The following B3GALT1 variants were observed in gnomAD, a reference collection of about 807,000 sequenced individuals.
The protein encoded by B3GALT1 is beta-1,3-galactosyltransferase 1, also known as UDP-Gal:betaGlcNAc beta 1,3-galactosyltransferase, polypeptide 1.
B3GALT1 carries 10 observed loss-of-function variants against 23.2 expected under a neutral mutation model. The observed-to-expected ratio is 0.43, with a 90% confidence interval of 0.27 to 0.73. The LOEUF (loss-of-function observed/expected upper bound fraction) is 0.73, where lower values mean the gene tolerates loss of function less well. Ranked by LOEUF, B3GALT1 falls within the 30% of genes least tolerant of loss-of-function variation. The pLI is 0.21. For missense variants in B3GALT1, 299 were observed against 405.4 expected (o/e 0.74, Z 2.25); for synonymous variants, 156 against 141.5 (o/e 1.10, Z -0.73).
chr2:167,646,299 G>A (rs1395623201), intron 2 of B3GALT1, among the ~76,000 whole-genome samples: 1 of 152,142 alleles, frequency 6.6e-6, no homozygotes, highest in African/African-American at 2.4e-5. Flanking sequence ...TAGCCTTCCA[G>A]GTCACTCATG....
At chr2:167,564,367 C>T (rs1356494131) in intron 2 of B3GALT1, among the ~76,000 whole-genome samples, 1 of 149,934 alleles carries the variant, frequency 6.7e-6, no homozygotes, top group Non-Finnish European at 1.5e-5. Context: ...GAGACGCTCC[C>T]CACTCTCCAG....
At chr2:167,711,083 A>G (rs906502968) in intron 3 of B3GALT1, among the ~76,000 whole-genome samples, 2 of 152,020 alleles carry the variant, frequency 1.3e-5, no homozygotes, top group African/African-American at 4.8e-5. Context: ...ACTTGGGCCT[A>G]TGCTCCAGCT....
intron 4 of B3GALT1, among the ~76,000 whole-genome samples, chr2:167,834,704 C>G (rs1689421630): frequency 6.6e-6 from 1 of 152,104 alleles, no homozygotes; most frequent in Admixed American, 6.6e-5. Flanking sequence ...CAAAAGTTGG[C>G]TGGGCACAGT....
intron 4 of B3GALT1, among the ~76,000 whole-genome samples, chr2:167,826,810 C>T (rs1027070050): frequency 6.6e-6 from 1 of 152,162 alleles, no homozygotes; most frequent in Non-Finnish European, 1.5e-5. Flanking sequence ...CAACTATTTA[C>T]ATAACATTTA....
At chr2:167,346,057 G>A (rs1367302258) in intron 1 of B3GALT1, among the ~76,000 whole-genome samples, 1 of 151,268 alleles carries the variant, frequency 6.6e-6, no homozygotes, top group East Asian at 1.9e-4. Flanking sequence ...CTTTCAAAAA[G>A]CATTCTATGA....
intron 1 of B3GALT1, among the ~76,000 whole-genome samples, chr2:167,307,020 C>T (rs1246354944): frequency 6.6e-6 from 1 of 151,918 alleles, no homozygotes; most frequent in Non-Finnish European, 1.5e-5. Flanking sequence ...ATCTCCTAAT[C>T]TTTTTAAAAT....
intron 2 of B3GALT1, among the ~76,000 whole-genome samples, chr2:167,525,620 A>AT (rs1373343977): frequency 2.0e-5 from 3 of 150,928 alleles, no homozygotes; most frequent in Admixed American, 6.6e-5. Flanking sequence ...GAGCTCTTTC[A>AT]TTTTTTTTAT....
intron 2 of B3GALT1, among the ~76,000 whole-genome samples, chr2:167,546,779 A>G (rs1308747983): frequency 6.6e-6 from 1 of 152,072 alleles, no homozygotes; most frequent in Non-Finnish European, 1.5e-5. Flanking sequence ...TTTGTCTCTC[A>G]CTCATATATT....
At chr2:167,423,681 A>G (rs1280177338) in intron 1 of B3GALT1, among the ~76,000 whole-genome samples, 2 of 152,166 alleles carry the variant, frequency 1.3e-5, no homozygotes, top group Non-Finnish European at 2.9e-5. Flanking sequence ...GTAGCCTGGC[A>G]ACCAAGAGCA....
At chr2:167,839,833 A>G (rs1689593292) in intron 4 of B3GALT1, among the ~76,000 whole-genome samples, 1 of 152,262 alleles carries the variant, frequency 6.6e-6, no homozygotes, top group South Asian at 2.1e-4. Flanking sequence ...AAACAGAGAT[A>G]TAGATCAATG....
At chr2:167,454,259 A>T (rs1016626289) in intron 1 of B3GALT1, among the ~76,000 whole-genome samples, 4 of 152,188 alleles carry the variant, frequency 2.6e-5, no homozygotes, top group African/African-American at 9.7e-5. Context: ...ACGTGCACGT[A>T]AACCATAGGC....
At chr2:167,635,170 T>C (rs546333035) in intron 2 of B3GALT1, among the ~76,000 whole-genome samples, 1 of 152,220 alleles carries the variant, frequency 6.6e-6, no homozygotes, top group Non-Finnish European at 1.5e-5. Context: ...CTAAAAACTG[T>C]CAATAAACTA....
At chr2:167,475,742 GGCTCAAACA>G (rs1423868146) in intron 1 of B3GALT1, among the ~76,000 whole-genome samples, 1 of 152,022 alleles carries the variant, frequency 6.6e-6, no homozygotes, top group African/African-American at 2.4e-5. Flanking sequence ...CATACTGGCG[GGCTCAAACA>G]GTAGAAATTA....
chr2:167,867,583 T>C (rs1279617534), intron 4 of B3GALT1, among the ~76,000 whole-genome samples: 8 of 152,244 alleles, frequency 5.3e-5, no homozygotes, highest in Admixed American at 5.2e-4. Flanking sequence ...ATCGTGTATT[T>C]TTATTTCATT....
intron 2 of B3GALT1, among the ~76,000 whole-genome samples, chr2:167,553,450 A>G (rs1330228327): frequency 1.3e-5 from 2 of 152,164 alleles, no homozygotes; most frequent in African/African-American, 4.8e-5. Flanking sequence ...ACAGCTGTGC[A>G]GTGGCAGATC....
At position 167,455,916 on chromosome 2, in the gene B3GALT1, C is replaced by A. The variant is rs113693884; in HGVS notation, c.-510-34261C>A. On this transcript the variant is annotated intron_variant, in intron 1 of 4. Coordinates refer to ENST00000392690, the MANE Select transcript of B3GALT1 (RefSeq NM_020981.4). The stretch of plus-strand genomic sequence containing the variant: ...ATGTTTTAGTCCCTTAAAAATGAGG[C>A]CCAACCAACACATATATAATCACCT... Among the ~76,000 whole-genome samples, 9 of 152,164 alleles carry A rather than the reference C, an allele frequency of 5.9e-5. 1 individual carries two copies. The highest frequency in any genetic ancestry group is 2.2e-4 in the African/African-American group (9 of 41,482).
chr2:167,526,363 C>T (rs975667510), intron 2 of B3GALT1, among the ~76,000 whole-genome samples: 3 of 152,150 alleles, frequency 2.0e-5, no homozygotes, highest in African/African-American at 7.2e-5. Flanking sequence ...AACAACATGG[C>T]TGTCTCCATC....
intron 4 of B3GALT1, among the ~76,000 whole-genome samples, chr2:167,828,583 T>TG (rs1689277367): frequency 6.6e-6 from 1 of 152,144 alleles, no homozygotes; most frequent in Non-Finnish European, 1.5e-5. Flanking sequence ...GGAAAGCAAA[T>TG]CAATCAGTAG....
chr2:167,393,228 C>T (rs1217309935), intron 1 of B3GALT1, among the ~76,000 whole-genome samples: 2 of 147,860 alleles, frequency 1.4e-5, no homozygotes, highest in East Asian at 2.0e-4. Flanking sequence ...AGCGAGACTC[C>T]GTCTCAAAAG....
Sources: gnomAD v4.1 joint callset for allele counts (sites outside exome capture counted in the v4.1 genomes callset) on GRCh38, gnomAD v4.1.1 for gene constraint, MANE v1.5 for transcripts, NCBI Gene and HGNC (gene_info 2026-07-23, HGNC 2026-07-21) for gene names.